The following RC3H2 variants were observed in gnomAD, a reference collection of about 807,000 sequenced individuals.
RC3H2 encodes ring finger and CCCH-type domains 2, also known as roquin-2.
A neutral mutation model predicts 133.3 loss-of-function variants in RC3H2; 31 were observed. The observed-to-expected ratio is 0.23, with a 90% CI of 0.17 to 0.31. RC3H2 has a LOEUF of 0.31. Among genes scored for constraint, RC3H2 ranks in the 10% least tolerant of loss-of-function variants. The pLI, the probability that RC3H2 is intolerant of heterozygous loss-of-function variation, is 1.00. For missense variants in RC3H2, 1,175 were observed against 1,437.2 expected (o/e 0.82, Z 2.95); for synonymous variants, 517 against 502.2 (o/e 1.03, Z -0.40).
Position 122,848,313 on chromosome 9 carries a change from G to A in RC3H2, c.*1314C>T, listed in dbSNP as rs1249724995. The A allele has an allele frequency of 6.6e-6, 1 of 152,038 alleles. No individual in the cohort carries two copies. The highest frequency in any genetic ancestry group is 6.6e-5 in the Admixed American group (1 of 15,258). 9.4% of individuals were successfully genotyped at this position (152,038 alleles called of 1,614,324 possible). A position where few individuals can be genotyped will look rare whatever the true frequency, so the allele number is the denominator to read the frequency against. ...AAGAAAAACAGATAGATAAACTATAGGTAAAGATCACCAGGAAGGAATGCC... is the reference window on the plus strand; with the variant it reads ...AAGAAAAACAGATAGATAAACTATAAGTAAAGATCACCAGGAAGGAATGCC... On this transcript the variant is annotated 3_prime_UTR_variant, in exon 21 of 21. Coordinates refer to ENST00000357244, the MANE Select transcript of RC3H2 (RefSeq NM_001100588.3).
At position 122,903,076 on chromosome 9, in the gene RC3H2, T is replaced by G. The variant is rs1320065971; in HGVS notation, c.-68+2034A>C. The stretch of plus-strand genomic sequence containing the variant: ...ATCTTCAACTGTCACATGTGGCCAC[T>G]GGCTAGTACTGGACAGTGCAACTCT... On this transcript the variant is annotated intron_variant, in intron 1 of 20. Transcript: ENST00000357244. 2.0e-5 allele frequency among the ~76,000 whole-genome samples: 3 copies of G among 151,870 alleles called. No homozygotes were observed. The East Asian group carries it at 5.8e-4, about 29-fold the overall frequency.
At position 122,849,207 on chromosome 9, in the gene RC3H2, GAAAT is replaced by G. The variant is rs1405371834; in HGVS notation, c.*416_*419del. The G allele has an allele frequency of 2.0e-5, 3 of 152,090 alleles. No individual in the cohort carries two copies. The highest frequency in any genetic ancestry group is 4.4e-5 in the Non-Finnish European group (3 of 68,008). 9.4% of individuals were successfully genotyped at this position (152,090 alleles called of 1,614,324 possible). ...ACTTCTCTCAGTGAAACATAAAATAGAAATAAATAAGTTAACTAAGTCTACTTTC... is the reference window on the plus strand; with the variant it reads ...ACTTCTCTCAGTGAAACATAAAATAGAAATAAGTTAACTAAGTCTACTTTC... On this transcript the variant is annotated 3_prime_UTR_variant, in exon 21 of 21. Coordinates refer to ENST00000357244, the MANE Select transcript of RC3H2 (RefSeq NM_001100588.3).
chr9:122,892,420 C>T (rs1015424079), intron 3 of RC3H2, among the ~76,000 whole-genome samples: 1 of 147,320 alleles, frequency 6.8e-6, no homozygotes, highest in Non-Finnish European at 1.5e-5. Context: ...AGCTTGAATT[C>T]TTTTTTTTTT....
intron 9 of RC3H2, among the ~76,000 whole-genome samples, chr9:122,869,149 G>A (rs1160559487): frequency 6.6e-6 from 1 of 151,918 alleles, no homozygotes; most frequent in Admixed American, 6.6e-5. Context: ...CAGGTGATCT[G>A]CCCACTTCGG....
chr9:122,868,585 C>A (rs1201170998), intron 9 of RC3H2, among the ~76,000 whole-genome samples: 28 of 151,874 alleles, frequency 1.8e-4, no homozygotes, highest in Admixed American at 1.8e-3. Flanking sequence ...ATCTCAAGTA[C>A]CCAGGGACAC....
chr9:122,871,184 T>C (rs1427836135), intron 9 of RC3H2, among the ~76,000 whole-genome samples: 1 of 152,190 alleles, frequency 6.6e-6, no homozygotes, highest in Non-Finnish European at 1.5e-5. Context: ...CTAAAGCCAG[T>C]CTCACCACCT....
chr9:122,856,021 T>C (rs1365612037), intron 13 of RC3H2, 143 bp from the exon 14 acceptor site: 2 of 634,280 alleles, frequency 3.2e-6, no homozygotes, highest in African/African-American at 3.7e-5. Flanking sequence ...TAAAAAACTG[T>C]AATAAGCAAG....
chr9:122,904,760 G>A (rs948284589), intron 1 of RC3H2, among the ~76,000 whole-genome samples: 1 of 152,206 alleles, frequency 6.6e-6, no homozygotes, highest in Non-Finnish European at 1.5e-5. Flanking sequence ...ACTTGGTTTC[G>A]AGGACCTCTT....
At chr9:122,850,435 T>TATAGATAGATAGATAG (rs6151170) in intron 20 of RC3H2, among the ~76,000 whole-genome samples, 10,368 of 149,920 alleles carry the variant, frequency 0.069, 707 homozygotes, top group East Asian at 0.3. Context: ...GCTATCTATC[T>TATAGATAGATAGATAG]ATAGATAGAT....
At chr9:122,855,953 C>A in intron 13 of RC3H2, 75 bp from the exon 14 acceptor site, 1 of 1,224,182 alleles carries the variant, frequency 8.2e-7, no homozygotes, top group Non-Finnish European at 1.1e-6. Flanking sequence ...TATAAAGTAA[C>A]TATTATAGAA....
chr9:122,852,568 T>A (rs1272516077), intron 18 of RC3H2, among the ~76,000 whole-genome samples: 3 of 144,264 alleles, frequency 2.1e-5, no homozygotes, highest in Admixed American at 6.8e-5. Flanking sequence ...AGCCGCCCCG[T>A]CCGGGAGGGA....
At chr9:122,895,816 GATA>G (rs917080684) in intron 2 of RC3H2, among the ~76,000 whole-genome samples, 6 of 152,262 alleles carry the variant, frequency 3.9e-5, no homozygotes, top group South Asian at 2.1e-4. Context: ...GTAAAATGGG[GATA>G]ATAACTACCT....
In RC3H2 at chr9:122,879,800, C is replaced by T. The variant is rs780385920; in HGVS notation, c.1167G>A (p.Val389=). ...VAVKTVVHGL[V]DFIQNYSRKG... ...TTCTACTATAATTTTGTATGAAGTC[C>T]ACAAGGCCATGAACTACTGTTTTAA... The change falls in exon 8 of 21, where the codon GTG becomes GTA. Residue 389 remains valine, a synonymous_variant. Transcript: ENST00000357244. 4 of 1,613,890 alleles carry T rather than the reference C, an allele frequency of 2.5e-6. No homozygotes were observed. The highest frequency in any genetic ancestry group is 2.5e-6 in the Non-Finnish European group (3 of 1,179,944).
chr9:122,878,590 G>C (rs1831448808), intron 8 of RC3H2, among the ~76,000 whole-genome samples: 1 of 151,930 alleles, frequency 6.6e-6, no homozygotes, highest in East Asian at 1.9e-4. Context: ...ACAATCTTAT[G>C]TTATTTAACC....
At chr9:122,902,910 C>G (rs965980504) in intron 1 of RC3H2, among the ~76,000 whole-genome samples, 3 of 150,688 alleles carry the variant, frequency 2.0e-5, no homozygotes, top group Non-Finnish European at 3.0e-5. Context: ...TTTTATTTAT[C>G]CCAGTTTATA....
chr9:122,892,324 G>A (rs1330558846), intron 3 of RC3H2, among the ~76,000 whole-genome samples: 1 of 152,078 alleles, frequency 6.6e-6, no homozygotes, highest in Non-Finnish European at 1.5e-5. Flanking sequence ...TGTTGCCCAG[G>A]CTGGTCTCAA....
intron 5 of RC3H2, 104 bp from the exon 6 acceptor site, chr9:122,880,898 G>C (rs1467723642): frequency 1.3e-6 from 1 of 750,252 alleles, no homozygotes; most frequent in Non-Finnish European, 2.3e-6. Context: ...TTACATATCA[G>C]ACACCACAGA....
In RC3H2 at chr9:122,858,819, A is replaced by C. The variant is rs1219803614; in HGVS notation, c.2133T>G (p.Ile711Met). The change falls in exon 12 of 21, where the codon ATT becomes ATG. Residue 711 changes from isoleucine to methionine, a missense_variant. By Grantham distance (10) the Ile-to-Met change is conservative (BLOSUM62 1). This residue lies in a region of RC3H2 where 490 missense variants were observed against 492.8 expected (regional missense o/e 0.99). Coordinates refer to ENST00000357244, the MANE Select transcript of RC3H2 (RefSeq NM_001100588.3). ...TTGGAGGTAAAGAATTGCTTCTAAT[A>C]ATGTCATCTCGTTGGTACATAGGTG... ...WRPPMYQRDD[I>M]IRSNSLPPMD... is the part of the protein sequence containing the mutation. 5.1e-5 allele frequency: 82 copies of C among 1,614,178 alleles called. No homozygotes were observed. The highest frequency in any genetic ancestry group is 6.9e-5 in the Non-Finnish European group (81 of 1,180,062).
Position 122,880,824 on chromosome 9 carries a change from T to G in RC3H2, c.760-30A>C, listed in dbSNP as rs775137233. The G allele has an allele frequency of 2.0e-6, 3 of 1,536,238 alleles. No homozygotes were observed. In the African/African-American group the frequency reaches 4.1e-5, roughly 21 times the overall value. ...AAAATAGAAAAGAGAAAAATCAGAA[T>G]TGGTCTGTGCTTTCTCCCTTCAACT... On this transcript the variant is annotated intron_variant, in intron 5 of 20. Coordinates refer to ENST00000357244, the MANE Select transcript of RC3H2 (RefSeq NM_001100588.3).
Sources: allele counts gnomAD v4.1 joint callset (sites outside exome capture counted in the v4.1 genomes callset), GRCh38; gene constraint gnomAD v4.1.1; regional missense constraint gnomAD v4.1.1; transcripts MANE v1.5; gene names NCBI Gene and HGNC (gene_info 2026-07-23, HGNC 2026-07-21).